The following CDC42EP5 variants were observed in gnomAD, a reference collection of about 807,000 sequenced individuals.
CDC42EP5 encodes CDC42 effector protein 5, also known as CDC42 effector protein (Rho GTPase binding) 5.
For missense variants in CDC42EP5, 269 were observed against 238.0 expected (o/e 1.13, Z -0.86); for synonymous variants, 118 against 123.3 (o/e 0.96, Z 0.28).
At chr19:54,471,378 G>T (rs1163365407) in intron 2 of CDC42EP5, 167 bp downstream of exon 2, 1 of 152,086 alleles carries the variant, frequency 6.6e-6, no homozygotes, top group Non-Finnish European at 1.5e-5. Context: ...TCTCAGACCC[G>T]TGGGAGCTGC....
intron 2 of CDC42EP5, among the ~76,000 whole-genome samples, chr19:54,466,923 T>C (rs1180190982): frequency 2.9e-5 from 4 of 139,630 alleles, no homozygotes; most frequent in Non-Finnish European, 6.2e-5. Flanking sequence ...AAGGGGCAAC[T>C]GTACCTGATC....
chr19:54,471,913 C>G (rs980309543), intron 1 of CDC42EP5, among the ~76,000 whole-genome samples: 2 of 108,784 alleles, frequency 1.8e-5, no homozygotes, highest in Non-Finnish European at 3.9e-5. Flanking sequence ...TCCAGACCCC[C>G]AGCCCCTCCT....
Position 54,465,154 on chromosome 19 carries a change from C to A in CDC42EP5, c.394G>T (p.Ala132Ser). ...AGGTCCGCGTTGGGGCGGCAGCGGG[C>A]CTGGGGGGGCTGCGTCCCGGGGCGG... is the stretch of plus-strand genomic sequence containing the variant. ...EPRPGTQPPQ[A>S]RCRPNADLEL... The change falls in exon 3 of 3, where the codon GCC becomes TCC. Residue 132 changes from alanine (A) to serine (S), a missense_variant. By Grantham distance (99) the Ala-to-Ser change is moderately conservative. Coordinates refer to ENST00000301200, the MANE Select transcript of CDC42EP5 (RefSeq NM_145057.4). The A allele has an allele frequency of 7.1e-7, 1 of 1,407,446 alleles. No homozygotes were observed. The highest frequency in any genetic ancestry group is 9.2e-7 in the Non-Finnish European group (1 of 1,088,528). 87.2% of individuals were successfully genotyped at this position (1,407,446 alleles called of 1,614,324 possible).
chr19:54,467,361 G>A (rs2084768693), intron 2 of CDC42EP5, among the ~76,000 whole-genome samples: 1 of 151,312 alleles, frequency 6.6e-6, no homozygotes, highest in South Asian at 2.1e-4. Flanking sequence ...GCTGAGGCAG[G>A]AGAATCGCTT....
At chr19:54,468,346 T>TACACACAC (rs71959392) in intron 2 of CDC42EP5, among the ~76,000 whole-genome samples, 138 of 148,596 alleles carry the variant, frequency 9.3e-4, no homozygotes, top group African/African-American at 2.8e-3. Flanking sequence ...AAGACTGGCC[T>TACACACAC]ACACACACAC....
At chr19:54,472,542 AT>A (rs1456947950) in intron 1 of CDC42EP5, among the ~76,000 whole-genome samples, 17 of 33,284 alleles carry the variant, frequency 5.1e-4, no homozygotes, top group East Asian at 1.2e-3. Flanking sequence ...AGGAGTCAAG[AT>A]CCCCCCAGCC....
chr19:54,472,812 C>T (rs1467285598), intron 1 of CDC42EP5, among the ~76,000 whole-genome samples: 1 of 114,108 alleles, frequency 8.8e-6, no homozygotes, highest in Non-Finnish European at 1.9e-5. Context: ...ACCCCCAGCC[C>T]CTTCTTCCTC....
At chr19:54,470,521 A>AGAAGGAAG (rs10647449) in intron 2 of CDC42EP5, among the ~76,000 whole-genome samples, 6 of 148,762 alleles carry the variant, frequency 4.0e-5, no homozygotes, top group African/African-American at 1.3e-4. Context: ...AAGAAAGGAA[A>AGAAGGAAG]GAAGGAAGGA....
At chr19:54,469,697 T>A (rs1413463283) in intron 2 of CDC42EP5, among the ~76,000 whole-genome samples, 1 of 152,172 alleles carries the variant, frequency 6.6e-6, no homozygotes, top group Non-Finnish European at 1.5e-5. Flanking sequence ...GAGTCACACC[T>A]CGGATCATTC....
In CDC42EP5 at chr19:54,465,470, C is replaced by A; in HGVS notation, c.78G>T (p.Pro26=). The change falls in exon 3 of 3, where the codon CCG becomes CCT. Residue 26 remains proline (P), a synonymous_variant. Transcript: ENST00000301200. The part of the protein sequence containing the change: ...PDRGALSISA[P]LGDFRHTLHV... ...GCAGCGTGTGCCGGAAGTCGCCGAG[C>A]GGCGCGGAGATGGACAGGGCGCCGC... The A allele has an allele frequency of 6.6e-7, 1 of 1,517,896 alleles. No homozygotes were observed. Among genetic ancestry groups the A allele is most frequent in the Admixed American group, 2.1e-5 (1 of 47,346 alleles). The allele number at this position is 1,517,896 out of a possible 1,614,324, so 94.0% of individuals were successfully genotyped here. A position where few individuals can be genotyped will look rare whatever the true frequency, so the allele number is the denominator to read the frequency against.
intron 2 of CDC42EP5, among the ~76,000 whole-genome samples, chr19:54,470,450 G>A (rs1162661141): frequency 2.2e-5 from 3 of 138,490 alleles, no homozygotes; most frequent in East Asian, 4.1e-4. Flanking sequence ...AGGGAAAAAA[G>A]GAAGGAAGGA....
At chr19:54,468,920 C>CTTTCT (rs61013497) in intron 2 of CDC42EP5, among the ~76,000 whole-genome samples, 2 of 123,904 alleles carry the variant, frequency 1.6e-5, no homozygotes, top group Admixed American at 8.7e-5. Context: ...TCCTTCCTTC[C>CTTTCT]TTCTTTCTTT....
intron 2 of CDC42EP5, among the ~76,000 whole-genome samples, chr19:54,468,356 C>T (rs1477958213): frequency 6.6e-6 from 1 of 151,790 alleles, no homozygotes; most frequent in Non-Finnish European, 1.5e-5. Context: ...TACACACACA[C>T]ACACACACAC....
chr19:54,465,524 GC>G lies in CDC42EP5; in HGVS notation c.23del (p.Gly8AlafsTer42). On this transcript the variant is annotated frameshift_variant, in exon 3 of 3. Coordinates refer to ENST00000301200, the MANE Select transcript of CDC42EP5 (RefSeq NM_145057.4). LOFTEE classifies it low-confidence loss of function (END_TRUNC). ...CAGGCCGCTTCTTGGGCTGCGCGGG[GC>G]CCAGCTGCTTCAGCACGGGCATCTG... MPVLKQL[G>X]PAQPKKRPDR... 1 of 1,536,006 alleles carries G rather than the reference GC, an allele frequency of 6.5e-7. No individual in the cohort carries two copies. Among genetic ancestry groups the G allele is most frequent in the East Asian group, 2.6e-5 (1 of 38,610 alleles).
At chr19:54,467,541 C>A (rs192657193) in intron 2 of CDC42EP5, among the ~76,000 whole-genome samples, 3 of 149,106 alleles carry the variant, frequency 2.0e-5, no homozygotes, top group African/African-American at 7.4e-5. Flanking sequence ...AAACTAGGTG[C>A]TTTATTGCCC....
At chr19:54,468,663 A>G (rs1299306101) in intron 2 of CDC42EP5, among the ~76,000 whole-genome samples, 1 of 146,572 alleles carries the variant, frequency 6.8e-6, no homozygotes, top group Non-Finnish European at 1.5e-5. Context: ...CCCACCTCAG[A>G]CTCCTGAGTA....
intron 2 of CDC42EP5, among the ~76,000 whole-genome samples, chr19:54,468,150 T>C (rs956483176): frequency 6.6e-6 from 1 of 152,106 alleles, no homozygotes; most frequent in Non-Finnish European, 1.5e-5. Flanking sequence ...AATGCTAGCG[T>C]TGGGGGGAAA....
intron 2 of CDC42EP5, 28 bp from the exon 3 acceptor site, chr19:54,465,575 G>A: frequency 6.9e-7 from 1 of 1,445,752 alleles, no homozygotes; most frequent in Non-Finnish European, 9.0e-7. Flanking sequence ...GGGTCAGCGC[G>A]GCCCCAGCCC....
Position 54,465,293 on chromosome 19 carries a change from G to T in CDC42EP5, c.255C>A (p.Ala85=). The change falls in exon 3 of 3, where the codon GCC becomes GCA. Residue 85 remains alanine, a synonymous_variant. Coordinates refer to ENST00000301200, the MANE Select transcript of CDC42EP5 (RefSeq NM_145057.4). ...AVPQSAAPSP[A]DPLLSFHLDL... Reference sequence around the variant, plus strand: ...CCAGGTGGAAGGACAGCAGCGGGTCGGCAGGCGAGGGCGCTGCGGACTGCG... The same window carrying T: ...CCAGGTGGAAGGACAGCAGCGGGTCTGCAGGCGAGGGCGCTGCGGACTGCG... The T allele has an allele frequency of 7.9e-7, 1 of 1,259,570 alleles. No homozygotes were observed. The highest frequency in any genetic ancestry group is 1.6e-5 in the African/African-American group (1 of 64,436). 78.0% of individuals were successfully genotyped at this position (1,259,570 alleles called of 1,614,324 possible).
Sources: allele counts gnomAD v4.1 joint callset (sites outside exome capture counted in the v4.1 genomes callset), GRCh38; gene constraint gnomAD v4.1.1; transcripts MANE v1.5; gene names NCBI Gene and HGNC (gene_info 2026-07-23, HGNC 2026-07-21).